Variants in SHPRH observed in about 807,000 individuals in gnomAD.
SHPRH encodes E3 ubiquitin-protein ligase SHPRH.
A neutral mutation model predicts 202.5 loss-of-function variants in SHPRH; 106 were observed. The ratio of observed to expected loss-of-function variants is 0.52; its 90% confidence interval spans 0.45 to 0.62. SHPRH has a LOEUF of 0.62. Ranked by LOEUF, SHPRH falls within the 20% of genes least tolerant of loss-of-function variation. The pLI is 0.00. For missense variants in SHPRH, 1,710 were observed against 2,020.0 expected (o/e 0.85, Z 2.94); for synonymous variants, 729 against 686.0 (o/e 1.06, Z -0.98).
At chr6:145,942,710 T>G (rs1471433482) in intron 9 of SHPRH, among the ~76,000 whole-genome samples, 1 of 152,210 alleles carries the variant, frequency 6.6e-6, no homozygotes, top group Admixed American at 6.5e-5. Flanking sequence ...AATAAAGATT[T>G]GCTGTATAAG....
chr6:145,903,570 T>C (rs188334634), intron 25 of SHPRH: 155 of 152,184 alleles, frequency 1.0e-3, no homozygotes, highest in African/African-American at 3.3e-3. Flanking sequence ...AAAATATTTA[T>C]TTTAAAAAGC....
intron 23 of SHPRH, among the ~76,000 whole-genome samples, chr6:145,916,648 T>C (rs1307281299): frequency 6.6e-6 from 1 of 152,160 alleles, no homozygotes; most frequent in Non-Finnish European, 1.5e-5. Context: ...CCTTAAAATT[T>C]TAGGTTTTAA....
At chr6:145,922,945 G>GTTTTTTT in intron 18 of SHPRH, 109 bp from the exon 19 acceptor site, 1 of 953,790 alleles carries the variant, frequency 1.0e-6, no homozygotes, top group Non-Finnish European at 1.4e-6. Flanking sequence ...ACTGTTTGCT[G>GTTTTTTT]TTTTTTTTTT....
chr6:145,883,081 C>G (rs932527119), downstream of SHPRH: 2 of 151,866 alleles, frequency 1.3e-5, no homozygotes, highest in African/African-American at 2.4e-5. Context: ...GAAAGGCAGA[C>G]CATTTAAAAA....
intron 2 of SHPRH, among the ~76,000 whole-genome samples, chr6:145,878,688 T>C (rs767348427): frequency 2.6e-5 from 4 of 152,196 alleles, no homozygotes; most frequent in African/African-American, 9.7e-5. Flanking sequence ...ATGACTTTTG[T>C]CTACTATGAG....
chr6:145,913,859 A>G (rs912573547), intron 23 of SHPRH, among the ~76,000 whole-genome samples: 1 of 152,150 alleles, frequency 6.6e-6, no homozygotes, highest in African/African-American at 2.4e-5. Flanking sequence ...TGACATGACA[A>G]TCAAGGTAAA....
At chr6:145,951,407 T>C (rs1014803379) in intron 3 of SHPRH, among the ~76,000 whole-genome samples, 3 of 152,068 alleles carry the variant, frequency 2.0e-5, no homozygotes, top group African/African-American at 4.8e-5. Context: ...AAATATGCCA[T>C]GTAAAATTTC....
chr6:145,889,961 AG>A (rs1188378371), intron 28 of SHPRH, among the ~76,000 whole-genome samples: 1 of 152,162 alleles, frequency 6.6e-6, no homozygotes, highest in Non-Finnish European at 1.5e-5. Flanking sequence ...CCTCCACTTC[AG>A]TGTTTGATCC....
At chr6:145,920,826 G>A (rs1247795723) in intron 21 of SHPRH, among the ~76,000 whole-genome samples, 1 of 152,076 alleles carries the variant, frequency 6.6e-6, no homozygotes, top group Non-Finnish European at 1.5e-5. Context: ...ATGCTTGCTT[G>A]TTATTCACAG....
intron 27 of SHPRH, 53 bp downstream of exon 27, chr6:145,894,097 T>C: frequency 2.2e-6 from 3 of 1,382,278 alleles, no homozygotes; most frequent in Admixed American, 4.3e-5. Flanking sequence ...TTAACAGCAG[T>C]TTAAATTTGC....
At chr6:145,880,887 C>A (rs1034847078), downstream of SHPRH, among the ~76,000 whole-genome samples, 4 of 151,998 alleles carry the variant, frequency 2.6e-5, no homozygotes, top group Admixed American at 2.0e-4. Context: ...AAAAGAGTTT[C>A]GAGTGATAAA....
At chr6:145,897,958 C>T (rs1305931342) in intron 25 of SHPRH, among the ~76,000 whole-genome samples, 1 of 152,076 alleles carries the variant, frequency 6.6e-6, no homozygotes, top group Non-Finnish European at 1.5e-5. Context: ...ATCAGCAAAA[C>T]ACAAATGCCC....
intron 1 of SHPRH, among the ~76,000 whole-genome samples, chr6:145,957,065 C>T (rs1428504790): frequency 6.6e-6 from 1 of 152,044 alleles, no homozygotes; most frequent in Admixed American, 6.5e-5. Context: ...GGGAAATGTC[C>T]TGTAGTGGAC....
At chr6:145,887,622 A>G (rs1163344467) in intron 29 of SHPRH, among the ~76,000 whole-genome samples, 1 of 131,366 alleles carries the variant, frequency 7.6e-6, no homozygotes, top group Non-Finnish European at 1.5e-5. Context: ...TGCAACCTCC[A>G]CCTCCGGGGT....
chr6:145,905,217 GAGGA>G (rs1782853406), intron 25 of SHPRH: 2 of 152,232 alleles, frequency 1.3e-5, no homozygotes, highest in South Asian at 4.1e-4. Context: ...GCTGTGGCCA[GAGGA>G]AGAGAAAGAA....
chr6:145,927,206 T>C lies in SHPRH; in HGVS notation c.3184A>G (p.Lys1062Glu). Residue 1062 changes from lysine to glutamate, a missense_variant, in exon 15 of 30, where the codon AAA becomes GAA. Transcript: ENST00000275233. ...RSSEEHKGKLKTDSLQRLHAT... is the reference protein window; with the variant it reads ...RSSEEHKGKLETDSLQRLHAT... Reference sequence around the variant, plus strand: ...TTACTTACTTGAAGTGAATCAGTTTTGAGTTTTCCTTTGTGTTCCTCCGAG... The same window carrying C: ...TTACTTACTTGAAGTGAATCAGTTTCGAGTTTTCCTTTGTGTTCCTCCGAG... 2 of 1,612,016 alleles carry C rather than the reference T, an allele frequency of 1.2e-6. No individual in the cohort carries two copies. The highest frequency in any genetic ancestry group is 1.7e-6 in the Non-Finnish European group (2 of 1,178,744).
At chr6:145,925,163 GGCAAA>G (rs1784752677) in intron 16 of SHPRH, among the ~76,000 whole-genome samples, 2 of 151,260 alleles carry the variant, frequency 1.3e-5, no homozygotes, top group Non-Finnish European at 3.0e-5. Context: ...TCAAATGATA[GGCAAA>G]GCAAAGACAC....
At position 145,910,463 on chromosome 6, in the gene SHPRH, C is replaced by T. The variant is rs768713642; in HGVS notation, c.4500G>A (p.Glu1500=). The change falls in exon 25 of 30, where the codon GAG becomes GAA. Residue 1500 remains glutamate, a synonymous_variant. Coordinates refer to ENST00000275233, the MANE Select transcript of SHPRH (RefSeq NM_001042683.3). ...CCTACTTTACCTTCACAGGGATGTC[C>T]TCCTCCTGGTTTGCTTTCTCTGAGG... is the stretch of plus-strand genomic sequence containing the variant. ...VFTSEKANQE[E]DIPVKGSHST... The T allele has an allele frequency of 2.9e-5, 46 of 1,612,800 alleles. No individual in the cohort carries two copies. The highest frequency in any genetic ancestry group is 3.5e-5 in the Non-Finnish European group (41 of 1,179,366).
At chr6:145,951,955 C>A in intron 3 of SHPRH, 1 of 452,176 alleles carries the variant, frequency 2.2e-6, no homozygotes, top group Non-Finnish European at 4.5e-6. Flanking sequence ...GTTATCTGGT[C>A]TTTATGGGAA....
Sources: gnomAD v4.1 joint callset for allele counts (sites outside exome capture counted in the v4.1 genomes callset) on GRCh38, gnomAD v4.1.1 for gene constraint, MANE v1.5 for transcripts, NCBI Gene and HGNC (gene_info 2026-07-23, HGNC 2026-07-21) for gene names.